PDGFC: variants seen among roughly 807,000 people sequenced by gnomAD.
PDGFC encodes the protein platelet-derived growth factor C.
A neutral mutation model predicts 35.5 loss-of-function variants in PDGFC; 12 were observed. The ratio of observed to expected loss-of-function variants is 0.34; its 90% CI spans 0.22 to 0.55. The LOEUF (loss-of-function observed/expected upper bound fraction) is 0.55, where lower values mean the gene tolerates loss of function less well. Among genes scored for constraint, PDGFC ranks in the 20% least tolerant of loss-of-function variants. PDGFC has a pLI of 0.91. For missense variants in PDGFC, 322 were observed against 412.4 expected, an observed-to-expected ratio of 0.78 and a Z score of 1.90; for synonymous variants, 159 against 148.8, an observed-to-expected ratio of 1.07 and a Z score of -0.50.
chr4:156,811,868 G>T (rs1236286950), intron 2 of PDGFC, among the ~76,000 whole-genome samples: 11 of 151,960 alleles, frequency 7.2e-5, no homozygotes, highest in African/African-American at 2.7e-4. Context: ...GGGAGTGATT[G>T]AAATGTAGCA....
intron 3 of PDGFC, chr4:156,778,249 G>A: frequency 2.8e-6 from 1 of 354,394 alleles, no homozygotes; most frequent in Non-Finnish European, 6.0e-6. Context: ...GTTTTCTCTT[G>A]CCAAAACGAG....
At chr4:156,871,175 G>C (rs556740985) in intron 1 of PDGFC, among the ~76,000 whole-genome samples, 3 of 152,192 alleles carry the variant, frequency 2.0e-5, no homozygotes, top group South Asian at 2.1e-4. Flanking sequence ...CAAGACAGGG[G>C]TTTTAATCAG....
intron 4 of PDGFC, among the ~76,000 whole-genome samples, chr4:156,769,768 G>T (rs1411063899): frequency 6.6e-6 from 1 of 151,934 alleles, no homozygotes; most frequent in East Asian, 1.9e-4. Flanking sequence ...GTTTCATTTT[G>T]CTGATCTAAT....
intron 1 of PDGFC, among the ~76,000 whole-genome samples, chr4:156,921,316 T>C (rs1394421656): frequency 6.6e-6 from 1 of 152,098 alleles, no homozygotes; most frequent in African/African-American, 2.4e-5. Flanking sequence ...TCATCATGTA[T>C]TCAGAACAAC....
intron 1 of PDGFC, among the ~76,000 whole-genome samples, chr4:156,953,258 C>T (rs1328395912): frequency 1.3e-5 from 2 of 151,878 alleles, no homozygotes; most frequent in Non-Finnish European, 2.9e-5. Flanking sequence ...GAAAAACTTT[C>T]CCTTGACAGA....
chr4:156,810,764 T>C, intron 3 of PDGFC, 73 bp downstream of exon 3: 1 of 940,496 alleles, frequency 1.1e-6, no homozygotes, highest in East Asian at 2.7e-5. Context: ...GATTCTCATG[T>C]GTAAGAGGAG....
At chr4:156,917,522 A>T (rs1439899650) in intron 1 of PDGFC, among the ~76,000 whole-genome samples, 5 of 152,212 alleles carry the variant, frequency 3.3e-5, no homozygotes, top group Admixed American at 3.3e-4. Context: ...AAATCTTGTT[A>T]AAGAAAAATA....
chr4:156,968,011 A>C (rs116227885), intron 1 of PDGFC, among the ~76,000 whole-genome samples: 2,208 of 152,268 alleles, frequency 0.015, 62 homozygotes, highest in African/African-American at 0.05. Context: ...TAGGTCAAAA[A>C]CCAGATACCT....
intron 1 of PDGFC, among the ~76,000 whole-genome samples, chr4:156,902,453 A>G (rs979829382): frequency 1.3e-5 from 2 of 152,148 alleles, no homozygotes; most frequent in South Asian, 4.1e-4. Flanking sequence ...CGTTTTAATC[A>G]TGTATTGCAT....
chr4:156,815,986 A>G (rs1217826168), intron 2 of PDGFC, among the ~76,000 whole-genome samples: 1 of 152,182 alleles, frequency 6.6e-6, no homozygotes, highest in Non-Finnish European at 1.5e-5. Context: ...CTGGTGTTGT[A>G]GACAAAATTT....
chr4:156,851,610 A>G (rs970846770), intron 1 of PDGFC, among the ~76,000 whole-genome samples: 1 of 152,084 alleles, frequency 6.6e-6, no homozygotes, highest in African/African-American at 2.4e-5. Context: ...CCACTCCAAA[A>G]AATGTAAGAA....
At chr4:156,818,518 T>TC (rs1167940216) in intron 2 of PDGFC, among the ~76,000 whole-genome samples, 2 of 140,898 alleles carry the variant, frequency 1.4e-5, no homozygotes, top group Non-Finnish European at 1.5e-5. Flanking sequence ...TTCTAGCTGT[T>TC]TTTTTTTTTT....
chr4:156,862,808 C>G (rs1214648122), intron 1 of PDGFC, among the ~76,000 whole-genome samples: 4 of 151,792 alleles, frequency 2.6e-5, no homozygotes, highest in African/African-American at 9.7e-5. Flanking sequence ...AATTCTCCTG[C>G]CTCAACCTCT....
intron 1 of PDGFC, among the ~76,000 whole-genome samples, chr4:156,855,719 GATA>G (rs1351545646): frequency 1.3e-5 from 2 of 151,938 alleles, no homozygotes; most frequent in African/African-American, 4.8e-5. Context: ...TTTCACCTGT[GATA>G]ATTTTTCTAC....
At chr4:156,959,214 CAATACAA>C (rs1732281257) in intron 1 of PDGFC, among the ~76,000 whole-genome samples, 1 of 151,830 alleles carries the variant, frequency 6.6e-6, no homozygotes, top group African/African-American at 2.4e-5. Flanking sequence ...TTTCCAAGTG[CAATACAA>C]AATAGCAATA....
At chr4:156,787,988 G>A (rs1487448302) in intron 3 of PDGFC, among the ~76,000 whole-genome samples, 6 of 152,140 alleles carry the variant, frequency 3.9e-5, no homozygotes, top group East Asian at 1.9e-4. Context: ...AGAAGATGCC[G>A]AATGTCTGGA....
chr4:156,897,484 C>A (rs1252367567), intron 1 of PDGFC, among the ~76,000 whole-genome samples: 1 of 151,982 alleles, frequency 6.6e-6, no homozygotes, highest in Non-Finnish European at 1.5e-5. Context: ...GCCCTGAAAT[C>A]ATGTGATTCT....
At chr4:156,919,232 T>C (rs1048304736) in intron 1 of PDGFC, among the ~76,000 whole-genome samples, 1 of 152,172 alleles carries the variant, frequency 6.6e-6, no homozygotes, top group African/African-American at 2.4e-5. Context: ...AATCTTACTA[T>C]AAATTTAAAA....
At chr4:156,897,752 C>T (rs560167770) in intron 1 of PDGFC, among the ~76,000 whole-genome samples, 6 of 152,020 alleles carry the variant, frequency 3.9e-5, no homozygotes, top group African/African-American at 4.8e-5. Context: ...GCAACTCAAT[C>T]GACAAACGGA....
Sources: allele counts gnomAD v4.1 joint callset (sites outside exome capture counted in the v4.1 genomes callset), GRCh38; gene constraint gnomAD v4.1.1; transcripts MANE v1.5; gene names NCBI Gene and HGNC (gene_info 2026-07-23, HGNC 2026-07-21).